The following INPP4B variants were observed in gnomAD, a reference collection of about 807,000 sequenced individuals.
The protein encoded by INPP4B is inositol polyphosphate-4-phosphatase type II B.
In INPP4B, 55 loss-of-function variants were observed where a neutral mutation model predicts 122.5. That is an observed-to-expected ratio of 0.45 (90% confidence interval 0.36 to 0.56). The LOEUF is 0.56. Among genes scored for constraint, INPP4B ranks in the 20% least tolerant of loss-of-function variants. INPP4B has a pLI of 0.00. For missense variants in INPP4B, 1,000 were observed against 1,097.7 expected (o/e 0.91, Z 1.26); for synonymous variants, 403 against 388.7 (o/e 1.04, Z -0.43).
At chr4:142,318,238 G>A (rs920473984) in intron 7 of INPP4B, among the ~76,000 whole-genome samples, 1 of 152,060 alleles carries the variant, frequency 6.6e-6, no homozygotes, top group Non-Finnish European at 1.5e-5. Flanking sequence ...GAGAGAAAAT[G>A]AAGAGGAAAG....
chr4:142,367,337 G>T (rs1787930767), intron 7 of INPP4B, among the ~76,000 whole-genome samples: 1 of 151,728 alleles, frequency 6.6e-6, no homozygotes, highest in South Asian at 2.1e-4. Context: ...CAATTCCCTA[G>T]ACTTCCCCCT....
At chr4:142,443,027 C>G (rs1346864907) in intron 3 of INPP4B, among the ~76,000 whole-genome samples, 1 of 152,018 alleles carries the variant, frequency 6.6e-6, no homozygotes, top group Non-Finnish European at 1.5e-5. Context: ...GAAACTGACC[C>G]CATGATTCAA....
intron 5 of INPP4B, among the ~76,000 whole-genome samples, chr4:142,411,710 C>T (rs1469825421): frequency 2.0e-5 from 3 of 152,010 alleles, no homozygotes; most frequent in Non-Finnish European, 2.9e-5. Flanking sequence ...TGGCCAACAT[C>T]GCACAACTCC....
chr4:142,080,537 C>T (rs962495908), intron 25 of INPP4B, among the ~76,000 whole-genome samples: 1 of 152,104 alleles, frequency 6.6e-6, no homozygotes, highest in African/African-American at 2.4e-5. Flanking sequence ...TGAATCATCA[C>T]AAATGCTATA....
At chr4:142,707,916 G>A (rs1046498268) in intron 2 of INPP4B, among the ~76,000 whole-genome samples, 1 of 152,180 alleles carries the variant, frequency 6.6e-6, no homozygotes, top group Non-Finnish European at 1.5e-5. Context: ...ACTCCCTAGA[G>A]ACTTGTTAAA....
At chr4:142,798,547 T>G (rs1777577797) in intron 1 of INPP4B, among the ~76,000 whole-genome samples, 1 of 151,682 alleles carries the variant, frequency 6.6e-6, no homozygotes, top group Non-Finnish European at 1.5e-5. Flanking sequence ...CCCCCAAACA[T>G]GAGGAATAAG....
intron 8 of INPP4B, among the ~76,000 whole-genome samples, chr4:142,307,598 G>A (rs551368011): frequency 2.4e-4 from 36 of 152,258 alleles, no homozygotes; most frequent in African/African-American, 7.9e-4. Flanking sequence ...ATAAACTACT[G>A]TTCACTGAAA....
intron 2 of INPP4B, among the ~76,000 whole-genome samples, chr4:142,696,617 C>G (rs983786759): frequency 6.6e-6 from 1 of 152,148 alleles, no homozygotes. Context: ...CTGGCATCTG[C>G]AGTGCCCACT....
At chr4:142,135,784 G>T (rs1579032976) in intron 18 of INPP4B, among the ~76,000 whole-genome samples, 2 of 151,854 alleles carry the variant, frequency 1.3e-5, no homozygotes, top group South Asian at 2.1e-4. Context: ...TTGTTTGTTT[G>T]TTTGTTTATT....
chr4:142,509,573 C>T (rs1824454801), intron 2 of INPP4B, among the ~76,000 whole-genome samples: 2 of 152,184 alleles, frequency 1.3e-5, no homozygotes, highest in South Asian at 4.1e-4. Flanking sequence ...TTTTTTAGGG[C>T]TGCATAGTAC....
intron 1 of INPP4B, among the ~76,000 whole-genome samples, chr4:142,818,270 A>G (rs1317035133): frequency 2.0e-5 from 3 of 152,240 alleles, no homozygotes; most frequent in South Asian, 4.2e-4. Flanking sequence ...TTTAAACTTC[A>G]AAGACCATCC....
chr4:142,077,768 CA>C (rs1281226167), intron 25 of INPP4B, among the ~76,000 whole-genome samples: 3 of 151,396 alleles, frequency 2.0e-5, no homozygotes, highest in Non-Finnish European at 4.4e-5. Flanking sequence ...TAGAATTTTG[CA>C]ATACACATAC....
intron 1 of INPP4B, among the ~76,000 whole-genome samples, chr4:142,844,696 C>T (rs1007718555): frequency 1.3e-5 from 2 of 152,254 alleles, no homozygotes; most frequent in Non-Finnish European, 2.9e-5. Context: ...CTTTACTCAA[C>T]TTCTTACACA....
chr4:142,449,113 TA>T (rs1813578329), intron 3 of INPP4B, among the ~76,000 whole-genome samples: 1 of 152,096 alleles, frequency 6.6e-6, no homozygotes, highest in African/African-American at 2.4e-5. Flanking sequence ...TTTGTCACAA[TA>T]AAAATAAAGA....
chr4:142,482,454 C>T (rs1820678185), intron 2 of INPP4B, among the ~76,000 whole-genome samples: 1 of 152,128 alleles, frequency 6.6e-6, no homozygotes, highest in Non-Finnish European at 1.5e-5. Context: ...GCCTGATTCC[C>T]ATGCCTACTA....
chr4:142,841,791 T>C (rs1400512705), intron 1 of INPP4B, among the ~76,000 whole-genome samples: 2 of 151,960 alleles, frequency 1.3e-5, no homozygotes, highest in African/African-American at 2.4e-5. Flanking sequence ...ATGCTTTACA[T>C]TGATGCTGTT....
chr4:142,299,227 T>C (rs757113782), intron 9 of INPP4B, among the ~76,000 whole-genome samples: 29 of 129,434 alleles, frequency 2.2e-4, no homozygotes, highest in Non-Finnish European at 3.5e-4. Flanking sequence ...AGTACGATCA[T>C]GGCTCACTGC....
chr4:142,025,530 GT>G lies in INPP4B; in HGVS notation c.*3251del, dbSNP rs1560855456. ...ACGAGCTAGTTCCAGCCCACCAGTG[GT>G]ATTGTGTCTCTTGGTACACTATCAA... On this transcript the variant is annotated 3_prime_UTR_variant, in exon 26 of 26. Transcript: ENST00000262992. The G allele has an allele frequency of 6.6e-6, 1 of 152,098 alleles. No homozygotes were observed. The highest frequency in any genetic ancestry group is 1.9e-4 in the East Asian group (1 of 5,196). 9.4% of individuals were successfully genotyped at this position (152,098 alleles called of 1,614,324 possible). A position where few individuals can be genotyped will look rare whatever the true frequency, so the allele number is the denominator to read the frequency against.
intron 2 of INPP4B, among the ~76,000 whole-genome samples, chr4:142,467,762 T>A (rs960664786): frequency 6.6e-6 from 1 of 152,112 alleles, no homozygotes; most frequent in Non-Finnish European, 1.5e-5. Flanking sequence ...CCCCTTCAAA[T>A]CTCATTTTGA....
Sources: gnomAD v4.1 joint callset for allele counts (sites outside exome capture counted in the v4.1 genomes callset) on GRCh38, gnomAD v4.1.1 for gene constraint, MANE v1.5 for transcripts, NCBI Gene and HGNC (gene_info 2026-07-23, HGNC 2026-07-21) for gene names.